DNMT1: variants seen among roughly 807,000 people sequenced by gnomAD.
DNMT1 encodes the protein DNA methyltransferase 1, also known as DNA (cytosine-5)-methyltransferase 1.
DNMT1 carries 24 observed loss-of-function variants against 205.3 expected under a neutral mutation model. That is an observed-to-expected ratio of 0.12 (90% CI 0.08 to 0.16). The LOEUF is 0.16. DNMT1 is among the 10% of genes least tolerant of loss of function. The pLI is 1.00. For synonymous variants in DNMT1, 817 were observed against 839.8 expected, an observed-to-expected ratio of 0.97 and a Z score of 0.47; for missense variants, 1,293 against 2,177.7, an observed-to-expected ratio of 0.59 and a Z score of 8.09.
chr19:10,191,113 C>T (rs1390214896), intron 1 of DNMT1, among the ~76,000 whole-genome samples: 1 of 151,008 alleles, frequency 6.6e-6, no homozygotes, highest in African/African-American at 2.4e-5. Context: ...GGCTCAGCCT[C>T]GAGGGGGAAA....
intron 9 of DNMT1, among the ~76,000 whole-genome samples, chr19:10,168,925 A>G (rs2038748496): frequency 6.6e-6 from 1 of 152,070 alleles, no homozygotes; most frequent in African/African-American, 2.4e-5. Flanking sequence ...GTAACCTCCA[A>G]CTCCCAGGTT....
rs865808799 is a variant in DNMT1, at chr19:10,175,084, T to C, written c.648+456A>G. 3.9e-3 allele frequency among the ~76,000 whole-genome samples: 445 copies of C among 113,920 alleles called. 1 individual carries two copies. The highest frequency in any genetic ancestry group is 6.5e-3 in the Non-Finnish European group (358 of 55,374). The allele number at this position is 113,920 out of a possible 152,430, so 74.7% of individuals were successfully genotyped here. On this transcript the variant is annotated intron_variant, in intron 7 of 40. Coordinates refer to ENST00000359526, the MANE Select transcript of DNMT1 (RefSeq NM_001130823.3). ...AAAGAAGTCTAAATACATACATACATACACACACACACACACACACACACA... is the reference window on the plus strand; with the variant it reads ...AAAGAAGTCTAAATACATACATACACACACACACACACACACACACACACA...
intron 6 of DNMT1, among the ~76,000 whole-genome samples, chr19:10,176,716 G>T (rs558601245): frequency 6.6e-6 from 1 of 152,176 alleles, no homozygotes; most frequent in African/African-American, 2.4e-5. Flanking sequence ...AAATTAGCCA[G>T]GCGTGGCGGC....
intron 8 of DNMT1, 148 bp from the exon 9 acceptor site, chr19:10,173,322 T>C (rs2038863729): frequency 2.1e-5 from 16 of 777,362 alleles, no homozygotes; most frequent in Middle Eastern, 3.3e-4. Flanking sequence ...CATTTAGTAT[T>C]TGATATGACT....
At position 10,146,481 on chromosome 19, in the gene DNMT1, C is replaced by T. The variant is rs1360494258; in HGVS notation, c.2764G>A (p.Glu922Lys). ...AGCTGCTCCAGGACCCTGGGGATTT[C>T]TTTTTGCCTCATCTCAGCCAGACGG... ...CARLAEMRQK[E>K]IPRVLEQLED... The change falls in exon 28 of 41, where the codon GAA becomes AAA. Residue 922 changes from glutamate to lysine, a missense_variant. This residue lies in a region of DNMT1 where 112 missense variants were observed against 116.6 expected (regional missense o/e 0.96). Transcript: ENST00000359526. This position sits in a 1 kb window ranked among gnomAD's most constrained non-coding sequence, Gnocchi z 4.4. The T allele has an allele frequency of 6.2e-7, 1 of 1,613,984 alleles. No homozygotes were observed. The highest frequency in any genetic ancestry group is 8.5e-7 in the Non-Finnish European group (1 of 1,180,026).
intron 11 of DNMT1, among the ~76,000 whole-genome samples, chr19:10,164,377 A>G (rs1260688135): frequency 6.6e-6 from 1 of 152,174 alleles, no homozygotes; most frequent in Admixed American, 6.6e-5. Context: ...TCCTGACTTC[A>G]GGTGATCCGC....
In DNMT1 at chr19:10,168,314, G is replaced by C. The variant is rs778813917; in HGVS notation, c.803+16C>G. On this transcript the variant is annotated intron_variant, in intron 10 of 40. Transcript: ENST00000359526. ...AGTTTCACAACAAAGCACAAAGGCA[G>C]GTTCGCTGCACTTACGGTTCTTTGG... 3.7e-6 allele frequency: 6 copies of C among 1,614,066 alleles called. No individual in the cohort carries two copies. The South Asian group carries it at 6.6e-5, about 18-fold the overall frequency.
intron 1 of DNMT1, among the ~76,000 whole-genome samples, chr19:10,182,384 CAT>C (rs1251787323): frequency 4.3e-5 from 6 of 140,108 alleles, no homozygotes; most frequent in African/African-American, 1.3e-4. Flanking sequence ...TATATATATA[CAT>C]ATATATGTGT....
At chr19:10,155,114 G>A in intron 19 of DNMT1, 58 bp from the exon 20 acceptor site, 2 of 1,608,832 alleles carry the variant, frequency 1.2e-6, no homozygotes, top group African/African-American at 1.3e-5. Flanking sequence ...GCCTACAGTG[G>A]CCACAGGGCA....
In DNMT1 at chr19:10,146,356, C is replaced by T. The variant is rs1191219597; in HGVS notation, c.2889G>A (p.Thr963=). Residue 963 remains threonine (T), a synonymous_variant, in exon 28 of 41, where the codon ACG becomes ACA. Coordinates refer to ENST00000359526, the MANE Select transcript of DNMT1 (RefSeq NM_001130823.3). This position sits in a 1 kb window ranked among gnomAD's most constrained non-coding sequence, Gnocchi z 4.4. The part of the protein sequence containing the change: ...DGVYLPPEAF[T]FNIKLSSPVK... ...TGCTCCGAGGGGGCACTTACTTGAA[C>T]GTGAAGGCCTCAGGGGGCAGGTACA... The T allele has an allele frequency of 6.2e-6, 10 of 1,613,816 alleles. No individual in the cohort carries two copies. The highest frequency in any genetic ancestry group is 4.5e-5 in the East Asian group (2 of 44,880).
chr19:10,175,084 T>TACACACAC (rs201133845), intron 7 of DNMT1, among the ~76,000 whole-genome samples: 31 of 113,938 alleles, frequency 2.7e-4, no homozygotes, highest in African/African-American at 6.7e-4. Context: ...CATACATACA[T>TACACACAC]ACACACACAC....
chr19:10,186,967 G>A (rs1232845767), intron 1 of DNMT1, among the ~76,000 whole-genome samples: 1 of 151,846 alleles, frequency 6.6e-6, no homozygotes, highest in Non-Finnish European at 1.5e-5. Context: ...AGCTCTGTGT[G>A]AACCGGGCAC....
Position 10,151,644 on chromosome 19 carries a change from C to T in DNMT1, c.2118-99G>A, listed in dbSNP as rs1467207036. ...GGACAGGTCCTGAGACAATGCCTAA[C>T]GAAGGAATCCTGGTGCTGTCCCACA... On this transcript the variant is annotated intron_variant, in intron 23 of 40. Transcript: ENST00000359526. The surrounding 1 kb of genome is among the most constrained non-coding windows in gnomAD (Gnocchi z 5.0). 33 of 1,608,510 alleles carry T rather than the reference C, an allele frequency of 2.1e-5. No individual in the cohort carries two copies. The highest frequency in any genetic ancestry group is 1.6e-4 in the Middle Eastern group (1 of 6,068).
chr19:10,158,991 C>T (rs751421054), intron 17 of DNMT1, among the ~76,000 whole-genome samples: 4 of 152,166 alleles, frequency 2.6e-5, no homozygotes, highest in Non-Finnish European at 5.9e-5. Flanking sequence ...TAAAATCTGT[C>T]GTGGCTGTCA....
At position 10,154,142 on chromosome 19, in the gene DNMT1, G is replaced by T. The variant is rs1227679789; in HGVS notation, c.2019+151C>A. ...ATTGACGTTCAATGAAGTATGCAGG[G>T]TCCTCCCAGACCACTAACTAATTTC... On this transcript the variant is annotated intron_variant, in intron 22 of 40. Coordinates refer to ENST00000359526, the MANE Select transcript of DNMT1 (RefSeq NM_001130823.3). This position sits in a 1 kb window ranked among gnomAD's most constrained non-coding sequence, Gnocchi z 6.3. 5 of 810,912 alleles carry T rather than the reference G, an allele frequency of 6.2e-6. No individual in the cohort carries two copies. The highest frequency in any genetic ancestry group is 8.3e-6 in the Non-Finnish European group (4 of 480,558). 50.2% of individuals were successfully genotyped at this position (810,912 alleles called of 1,614,324 possible). A position where few individuals can be genotyped will look rare whatever the true frequency, so the allele number is the denominator to read the frequency against.
In DNMT1 at chr19:10,155,062, G is replaced by A. The variant is rs1391689040; in HGVS notation, c.1493-6C>T. 3.7e-6 allele frequency: 6 copies of A among 1,614,062 alleles called. No individual in the cohort carries two copies. The Admixed American group carries it at 5.0e-5, about 13-fold the overall frequency. On this transcript the variant is annotated splice_region_variant and splice_polypyrimidine_tract_variant and intron_variant, in intron 19 of 40. Transcript: ENST00000359526. ...CAGAATGTATTCGGCAAATGCTGGG[G>A]TGAACAGAGGAGGTGTGGAAAAGGG...
At chr19:10,180,940 G>A (rs1445259170) in intron 2 of DNMT1, 55 bp from the exon 3 acceptor site, 1 of 1,420,358 alleles carries the variant, frequency 7.0e-7, no homozygotes, top group South Asian at 1.2e-5. Flanking sequence ...ATTCACTAGT[G>A]GACTAATACA....
intron 17 of DNMT1, among the ~76,000 whole-genome samples, chr19:10,157,919 G>T (rs1378897876): frequency 3.3e-5 from 5 of 152,144 alleles, no homozygotes; most frequent in Admixed American, 1.3e-4. Flanking sequence ...AGGACCCACT[G>T]GTTGGTAGGC....
intron 5 of DNMT1, among the ~76,000 whole-genome samples, chr19:10,177,755 C>A (rs2011034): frequency 0.7 from 106,147 of 151,584 alleles, 37,798 homozygotes; most frequent in East Asian, 0.88. Context: ...ACATGGCAAA[C>A]CCCCATCTCT....
Sources: allele counts gnomAD v4.1 joint callset (sites outside exome capture counted in the v4.1 genomes callset), GRCh38; gene constraint gnomAD v4.1.1; regional missense constraint gnomAD v4.1.1; non-coding constraint Gnocchi (gnomAD v3.1); transcripts MANE v1.5; gene names NCBI Gene and HGNC (gene_info 2026-07-23, HGNC 2026-07-21).